The following PPP2R1B variants were observed in gnomAD, a reference collection of about 807,000 sequenced individuals.
PPP2R1B encodes the protein serine/threonine-protein phosphatase 2A 65 kDa regulatory subunit A beta isoform.
Under a neutral mutation model 72.7 loss-of-function variants are expected in PPP2R1B, and 58 were observed. The ratio of observed to expected loss-of-function variants is 0.80; its 90% confidence interval spans 0.65 to 0.99. The LOEUF is 0.99. Among genes scored for constraint, PPP2R1B ranks in the 50% least tolerant of loss-of-function variants. PPP2R1B has a pLI of 0.00. For synonymous variants in PPP2R1B, 256 were observed against 264.6 expected (o/e 0.97, Z 0.32); for missense variants, 695 against 733.6 (o/e 0.95, Z 0.61).
intron 3 of PPP2R1B, among the ~76,000 whole-genome samples, chr11:111,761,868 G>A (rs1241331667): frequency 3.9e-5 from 6 of 152,188 alleles, no homozygotes; most frequent in Non-Finnish European, 8.8e-5. Context: ...GCTGAGGCAT[G>A]AGAATCACTT....
At chr11:111,734,689 T>A, downstream of PPP2R1B, among the ~76,000 whole-genome samples, 1 of 152,246 alleles carries the variant, frequency 6.6e-6, no homozygotes, top group African/African-American at 2.4e-5. Context: ...CAGTCCTCAG[T>A]TTGACTGGAC....
chr11:111,760,893 A>G lies in PPP2R1B; in HGVS notation c.465T>C (p.Ser155=). The G allele has an allele frequency of 6.2e-7, 1 of 1,614,240 alleles. No homozygotes were observed. Among genetic ancestry groups the G allele is most frequent in the Admixed American group, 1.7e-5 (1 of 60,026 alleles). ...KRLASGDWFT[S]RTSACGLFSV... ...TGAACAAACCACATGCAGATGTGCG[A>G]GAGGTGAACCAATCCCCACTTGCTA... The change falls in exon 4 of 15, where the codon TCT becomes TCC. Residue 155 remains serine (S), a synonymous_variant. Coordinates refer to ENST00000527614, the MANE Select transcript of PPP2R1B (RefSeq NM_002716.5).
At chr11:111,758,447 T>C (rs1483493960) in intron 5 of PPP2R1B, among the ~76,000 whole-genome samples, 1 of 151,964 alleles carries the variant, frequency 6.6e-6, no homozygotes, top group Non-Finnish European at 1.5e-5. Context: ...AAAGTTAGCT[T>C]GGCGTGGTGG....
chr11:111,755,180 T>G, intron 6 of PPP2R1B, 86 bp from the exon 7 acceptor site: 1 of 1,530,488 alleles, frequency 6.5e-7, no homozygotes, highest in South Asian at 1.2e-5. Context: ...TGTAAATACA[T>G]ATTTTTGCCA....
chr11:111,720,532 A>G, the PPP2R1B span: 4 of 1,613,702 alleles, frequency 2.5e-6, no homozygotes, highest in Middle Eastern at 1.6e-4. Flanking sequence ...GACTCTGAGT[A>G]TGATATGGGG....
chr11:111,712,297 G>A, the PPP2R1B span: 1 of 1,614,060 alleles, frequency 6.2e-7, no homozygotes, highest in Non-Finnish European at 8.5e-7. Flanking sequence ...CATCCAACGT[G>A]GAGGCCTTTT....
At chr11:111,700,816 A>C in the PPP2R1B span, 1 of 1,574,394 alleles carries the variant, frequency 6.4e-7, no homozygotes, top group Non-Finnish European at 8.7e-7. Context: ...ATATTAGAAA[A>C]TTTATTACAG....
At chr11:111,704,337 C>T in the PPP2R1B span, among the ~76,000 whole-genome samples, 2 of 152,304 alleles carry the variant, frequency 1.3e-5, no homozygotes, top group South Asian at 2.1e-4. Context: ...CCCAAAGGAG[C>T]AGTTGTTTCT....
the PPP2R1B span, chr11:111,720,909 A>G: frequency 6.2e-7 from 1 of 1,613,840 alleles, no homozygotes; most frequent in Non-Finnish European, 8.5e-7. Context: ...GAATTGTAGC[A>G]TTTAGACAAC....
chr11:111,719,782 GCTGT>G, the PPP2R1B span: 2 of 1,613,028 alleles, frequency 1.2e-6, no homozygotes, highest in Non-Finnish European at 1.7e-6. Flanking sequence ...TAGGTCAATG[GCTGT>G]CTGCTTGACC....
rs1944408853 is a variant in PPP2R1B, at chr11:111,738,512, C to G, written c.*3084G>C. 1.0e-6 allele frequency: 1 copy of G among 985,340 alleles called. No homozygotes were observed. Among genetic ancestry groups the G allele is most frequent in the South Asian group, 4.7e-5 (1 of 21,292 alleles). 61.0% of individuals were successfully genotyped at this position (985,340 alleles called of 1,614,324 possible). On this transcript the variant is annotated 3_prime_UTR_variant, in exon 15 of 15. Coordinates refer to ENST00000527614, the MANE Select transcript of PPP2R1B (RefSeq NM_002716.5). ...AGGACAGGCTTGCTTCCCTGGAAGT[C>G]TACGCAAGCAACCTGAATGCCTGGA... is the stretch of plus-strand genomic sequence containing the variant.
chr11:111,737,652 T>C, downstream of PPP2R1B: 1 of 1,589,808 alleles, frequency 6.3e-7, no homozygotes, highest in Non-Finnish European at 8.6e-7. Flanking sequence ...CCAGCCAGGA[T>C]GCCCTCAGTT....
the PPP2R1B span, among the ~76,000 whole-genome samples, chr11:111,715,019 A>G: frequency 1.3e-5 from 2 of 152,242 alleles, no homozygotes; most frequent in Admixed American, 6.5e-5. Flanking sequence ...GCTGTATTAT[A>G]TAGGGCAAGC....
chr11:111,703,293 T>C, the PPP2R1B span: 1 of 1,614,178 alleles, frequency 6.2e-7, no homozygotes, highest in East Asian at 2.2e-5. Flanking sequence ...TGGATGCTCA[T>C]AGAAGTTCCT....
the PPP2R1B span, chr11:111,721,112 A>T: frequency 1.3e-6 from 2 of 1,559,442 alleles, no homozygotes; most frequent in Non-Finnish European, 1.7e-6. Context: ...ATGAGGTGTG[A>T]GTTTGTCCTG....
downstream of PPP2R1B, chr11:111,724,471 A>C: frequency 7.1e-6 from 2 of 281,436 alleles, no homozygotes; most frequent in Non-Finnish European, 1.4e-5. Context: ...GTTTATTATC[A>C]AGGGCAACCT....
the PPP2R1B span, among the ~76,000 whole-genome samples, chr11:111,692,742 A>G: frequency 1.3e-5 from 2 of 152,118 alleles, no homozygotes; most frequent in African/African-American, 4.8e-5. Context: ...AACACATGGG[A>G]AAAATAGGGC....
At chr11:111,694,981 A>G in the PPP2R1B span, among the ~76,000 whole-genome samples, 34 of 152,174 alleles carry the variant, frequency 2.2e-4, no homozygotes, top group Non-Finnish European at 4.4e-5. Flanking sequence ...TGGGAGAGTG[A>G]CTGATGTTTG....
chr11:111,757,113 C>CA (rs549628068), intron 5 of PPP2R1B, among the ~76,000 whole-genome samples: 2,640 of 78,014 alleles, frequency 0.034, 39 homozygotes, highest in Non-Finnish European at 0.044. Flanking sequence ...AACTCCAACT[C>CA]AAAAAAAAAA....
Sources: allele counts gnomAD v4.1 joint callset (sites outside exome capture counted in the v4.1 genomes callset), GRCh38; gene constraint gnomAD v4.1.1; transcripts MANE v1.5; gene names NCBI Gene and HGNC (gene_info 2026-07-23, HGNC 2026-07-21).